The following SDK2 variants were observed in gnomAD, a reference collection of about 807,000 sequenced individuals.
SDK2 encodes sidekick cell adhesion molecule 2, also known as protein sidekick-2.
A neutral mutation model predicts 253.9 loss-of-function variants in SDK2; 105 were observed. That is an observed-to-expected ratio of 0.41 (90% CI 0.35 to 0.49). The LOEUF (loss-of-function observed/expected upper bound fraction) is 0.49. Ranked by LOEUF, SDK2 falls within the 20% of genes least tolerant of loss-of-function variation. The probability of loss-of-function intolerance (pLI) is 0.06; values close to 1 mark genes in which losing one functional copy is unlikely to be tolerated. For missense variants in SDK2, 2,608 were observed against 3,003.0 expected (o/e 0.87, Z 3.07); for synonymous variants, 1,249 against 1,234.9 (o/e 1.01, Z -0.24).
At chr17:73,374,458 C>T (rs1012352156) in intron 36 of SDK2, among the ~76,000 whole-genome samples, 4 of 140,134 alleles carry the variant, frequency 2.9e-5, no homozygotes, top group Middle Eastern at 3.2e-3. Flanking sequence ...ATTCCATGTT[C>T]GATTTGTCGG....
intron 1 of SDK2, among the ~76,000 whole-genome samples, chr17:73,574,028 C>T (rs1404364503): frequency 6.6e-6 from 1 of 152,224 alleles, no homozygotes. Flanking sequence ...CCTTCGTGGG[C>T]CCTGTCCCTT....
chr17:73,619,937 G>T (rs1452579286), intron 1 of SDK2, among the ~76,000 whole-genome samples: 2 of 152,294 alleles, frequency 1.3e-5, no homozygotes, highest in African/African-American at 4.8e-5. Flanking sequence ...GCTGGCTCAT[G>T]CCAGTAATCT....
chr17:73,525,426 C>A (rs1564732), intron 1 of SDK2, among the ~76,000 whole-genome samples: 53,924 of 151,912 alleles, frequency 0.35, 9,915 homozygotes, highest in East Asian at 0.6. Context: ...CCGGAAAGGA[C>A]AATAAATTAA....
In SDK2 at chr17:73,496,996, A is replaced by C. The variant is rs557668046; in HGVS notation, c.224+10442T>G. 7.9e-5 allele frequency among the ~76,000 whole-genome samples: 12 copies of C among 152,210 alleles called. No homozygotes were observed. Among genetic ancestry groups the C allele is most frequent in the Non-Finnish European group, 1.3e-4 (9 of 68,044 alleles). The stretch of plus-strand genomic sequence containing the variant: ...ACTGTAAACTCTGCCTCCCAGGTTC[A>C]AGTAATTCTCCTGCCTCAGCTTCCC... On this transcript the variant is annotated intron_variant, in intron 2 of 44. Transcript: ENST00000392650. The surrounding 1 kb of genome is among the most constrained non-coding windows in gnomAD (Gnocchi z 4.7).
intron 1 of SDK2, among the ~76,000 whole-genome samples, chr17:73,543,609 C>G (rs1041819481): frequency 6.6e-6 from 1 of 152,240 alleles, no homozygotes; most frequent in Non-Finnish European, 1.5e-5. Context: ...GCAAGTGCAC[C>G]TTGATGCAGA....
At chr17:73,412,118 A>G (rs62072149) in intron 18 of SDK2, among the ~76,000 whole-genome samples, 37,778 of 74,180 alleles carry the variant, frequency 0.51, 6,579 homozygotes, top group East Asian at 0.73. Context: ...GTATATATGT[A>G]TACGTATATA....
At chr17:73,549,987 A>T (rs2045028766) in intron 1 of SDK2, among the ~76,000 whole-genome samples, 1 of 152,120 alleles carries the variant, frequency 6.6e-6, no homozygotes, top group Non-Finnish European at 1.5e-5. Context: ...GGGTGCATAG[A>T]GGCAGATGCA....
At chr17:73,400,454 T>C (rs955369381) in intron 21 of SDK2, among the ~76,000 whole-genome samples, 5 of 151,882 alleles carry the variant, frequency 3.3e-5, no homozygotes, top group Admixed American at 2.6e-4. Context: ...GAGGGACTGG[T>C]GGGGAAATGA....
intron 1 of SDK2, among the ~76,000 whole-genome samples, chr17:73,560,944 G>T (rs1342993668): frequency 6.6e-6 from 1 of 152,158 alleles, no homozygotes; most frequent in Non-Finnish European, 1.5e-5. Flanking sequence ...GAAGCGGGGC[G>T]TGTGGGGTGT....
chr17:73,498,999 T>C (rs2063865080), intron 2 of SDK2, among the ~76,000 whole-genome samples: 1 of 152,158 alleles, frequency 6.6e-6, no homozygotes, highest in African/African-American at 2.4e-5. Context: ...AGATAATAAT[T>C]GCACTAGTCT....
intron 24 of SDK2, among the ~76,000 whole-genome samples, chr17:73,396,165 G>A (rs1568381108): frequency 2.0e-5 from 3 of 152,132 alleles, no homozygotes; most frequent in Non-Finnish European, 2.9e-5. Context: ...AAGCCACCAC[G>A]CCCAACCAGC....
Position 73,465,956 on chromosome 17 carries a change from C to T in SDK2, c.331+6156G>A, listed in dbSNP as rs2063593959. 6.6e-6 allele frequency among the ~76,000 whole-genome samples: 1 copy of T among 152,160 alleles called. No individual in the cohort carries two copies. The highest frequency in any genetic ancestry group is 1.5e-5 in the Non-Finnish European group (1 of 68,022). On this transcript the variant is annotated intron_variant, in intron 3 of 44. Coordinates refer to ENST00000392650, the MANE Select transcript of SDK2 (RefSeq NM_001144952.2). The surrounding 1 kb of genome is among the most constrained non-coding windows in gnomAD (Gnocchi z 4.2). ...CTGCGTGTGTGTGTAAGGAGACAGA[C>T]GGATTGGCAGACAGGCAGCTGCAGC... is the stretch of plus-strand genomic sequence containing the variant.
chr17:73,387,981 T>C lies in SDK2; in HGVS notation c.4249A>G (p.Ser1417Gly). The change falls in exon 30 of 45, where the codon AGC becomes GGC. Residue 1417 changes from serine to glycine, a missense_variant. Ser to Gly is a moderately conservative substitution (Grantham distance 56). Coordinates refer to ENST00000392650, the MANE Select transcript of SDK2 (RefSeq NM_001144952.2). ...MVQQEDVRAR[S>G]VLLSWEPGSD... ...CCTGGCTCCCAGGACAGCAGCACGC[T>C]GCGTGCTCTCACATCCTCCTGCTGC... 1.3e-6 allele frequency: 2 copies of C among 1,570,846 alleles called. No homozygotes were observed. Among genetic ancestry groups the C allele is most frequent in the South Asian group, 1.2e-5 (1 of 85,300 alleles).
At chr17:73,633,417 C>T (rs1292997305) in intron 1 of SDK2, among the ~76,000 whole-genome samples, 4 of 152,182 alleles carry the variant, frequency 2.6e-5, no homozygotes, top group Non-Finnish European at 2.9e-5. Context: ...AGTGGAACAT[C>T]ATGGAAGAGT....
chr17:73,361,645 C>A lies in SDK2; in HGVS notation c.5467+39G>T. ...CCCCTTCTGACTGGGGACGCTGAAC[C>A]GCCGTGTGGAAGACATGCCTGGTCC... On this transcript the variant is annotated intron_variant, in intron 39 of 44. Coordinates refer to ENST00000392650, the MANE Select transcript of SDK2 (RefSeq NM_001144952.2). The surrounding 1 kb of genome is among the most constrained non-coding windows in gnomAD (Gnocchi z 4.1). The A allele has an allele frequency of 6.3e-7, 1 of 1,588,416 alleles. No individual in the cohort carries two copies. The highest frequency in any genetic ancestry group is 8.6e-7 in the Non-Finnish European group (1 of 1,159,724).
intron 2 of SDK2, among the ~76,000 whole-genome samples, chr17:73,503,299 A>C (rs8078270): frequency 0.6 from 91,600 of 151,898 alleles, 28,077 homozygotes; most frequent in Non-Finnish European, 0.66. Context: ...TGCTTTTTAG[A>C]TTGCAGTATT....
chr17:73,620,441 T>A (rs1030592638), intron 1 of SDK2, among the ~76,000 whole-genome samples: 15 of 152,208 alleles, frequency 9.9e-5, no homozygotes, highest in South Asian at 4.1e-4. Flanking sequence ...TGTAAAATGG[T>A]TCAGTAACTG....
intron 29 of SDK2, among the ~76,000 whole-genome samples, chr17:73,388,314 A>G (rs1318352055): frequency 6.6e-6 from 1 of 152,230 alleles, no homozygotes; most frequent in African/African-American, 2.4e-5. Context: ...GACGGTGAGG[A>G]GTGACAAACA....
At chr17:73,579,722 A>G (rs1202896596) in intron 1 of SDK2, among the ~76,000 whole-genome samples, 2 of 152,200 alleles carry the variant, frequency 1.3e-5, no homozygotes, top group Non-Finnish European at 2.9e-5. Context: ...CACGCCTGTA[A>G]TCCCAGCACT....
Sources: gnomAD v4.1 joint callset for allele counts (sites outside exome capture counted in the v4.1 genomes callset) on GRCh38, gnomAD v4.1.1 for gene constraint, Gnocchi (gnomAD v3.1) non-coding constraint, MANE v1.5 for transcripts, NCBI Gene and HGNC (gene_info 2026-07-23, HGNC 2026-07-21) for gene names.